The following LRMDA variants were observed in gnomAD, a reference collection of about 807,000 sequenced individuals.
LRMDA encodes leucine-rich melanocyte differentiation-associated protein.
LRMDA carries 18 observed loss-of-function variants against 29.8 expected under a neutral mutation model. That is an observed-to-expected ratio of 0.60 (90% CI 0.42 to 0.90). LRMDA has a LOEUF of 0.90. LRMDA is among the 40% of genes least tolerant of loss of function. The pLI is 0.00. For synonymous variants in LRMDA, 125 were observed against 109.4 expected (o/e 1.14, Z -0.89); for missense variants, 273 against 273.9 (o/e 1.00, Z 0.02).
chr10:75,914,054 GA>G (rs1179869160), intron 2 of LRMDA, among the ~76,000 whole-genome samples: 1 of 152,220 alleles, frequency 6.6e-6, no homozygotes, highest in Non-Finnish European at 1.5e-5. Flanking sequence ...TGCTTACAAA[GA>G]AGCAGAGGTT....
At chr10:76,041,098 T>G (rs1848332035) in intron 3 of LRMDA, among the ~76,000 whole-genome samples, 2 of 152,194 alleles carry the variant, frequency 1.3e-5, no homozygotes, top group African/African-American at 4.8e-5. Context: ...AGCATATTGT[T>G]GAGAGGTTTA....
intron 2 of LRMDA, among the ~76,000 whole-genome samples, chr10:75,525,534 G>A (rs1049623396): frequency 5.9e-5 from 9 of 151,642 alleles, no homozygotes; most frequent in Non-Finnish European, 1.3e-4. Flanking sequence ...GGTAAGACTG[G>A]GATTGAGATA....
At chr10:76,083,005 A>T (rs1478491129) in intron 5 of LRMDA, among the ~76,000 whole-genome samples, 1 of 152,180 alleles carries the variant, frequency 6.6e-6, no homozygotes, top group Non-Finnish European at 1.5e-5. Flanking sequence ...AACAATTAGA[A>T]GCAGGGATTC....
chr10:75,931,509 A>G (rs558174788), intron 2 of LRMDA, among the ~76,000 whole-genome samples: 1 of 152,346 alleles, frequency 6.6e-6, no homozygotes, highest in South Asian at 2.1e-4. Flanking sequence ...TGATAGTAAT[A>G]GACATCTTGG....
At chr10:75,586,816 A>G (rs575634669) in intron 2 of LRMDA, among the ~76,000 whole-genome samples, 1 of 76,622 alleles carries the variant, frequency 1.3e-5, no homozygotes, top group South Asian at 5.2e-4. Context: ...TAATTGGGTT[A>G]TTAGGTTTTT....
chr10:76,004,726 ATTT>A (rs926291826), intron 2 of LRMDA, among the ~76,000 whole-genome samples: 6 of 134,010 alleles, frequency 4.5e-5, no homozygotes, highest in Admixed American at 7.6e-5. Context: ...TTTTCTTTTA[ATTT>A]TTTTTTTTTT....
chr10:76,176,252 C>T (rs1850932070), intron 5 of LRMDA, among the ~76,000 whole-genome samples: 2 of 152,036 alleles, frequency 1.3e-5, no homozygotes, highest in South Asian at 2.1e-4. Flanking sequence ...TGGCATCCGG[C>T]GTCTATCAAA....
At chr10:75,792,475 G>C (rs924380441) in intron 2 of LRMDA, among the ~76,000 whole-genome samples, 2 of 152,170 alleles carry the variant, frequency 1.3e-5, no homozygotes, top group Non-Finnish European at 2.9e-5. Flanking sequence ...ATGATGTCCA[G>C]GCTGGTCTCG....
intron 6 of LRMDA, among the ~76,000 whole-genome samples, chr10:76,389,727 G>A (rs1332672825): frequency 2.8e-5 from 4 of 144,362 alleles, no homozygotes; most frequent in African/African-American, 8.7e-5. Flanking sequence ...TTAATATTAT[G>A]TGGACTTTTG....
intron 2 of LRMDA, among the ~76,000 whole-genome samples, chr10:75,993,737 A>AC (rs1455268719): frequency 6.6e-6 from 1 of 151,992 alleles, no homozygotes; most frequent in Non-Finnish European, 1.5e-5. Flanking sequence ...CATCTCAAAA[A>AC]AAAAAAAAGA....
At chr10:76,097,290 C>T (rs905780614) in intron 5 of LRMDA, among the ~76,000 whole-genome samples, 4 of 152,178 alleles carry the variant, frequency 2.6e-5, no homozygotes, top group African/African-American at 9.6e-5. Context: ...GGATTACAGG[C>T]GTGAGCCACC....
At chr10:75,584,901 T>A (rs1183396472) in intron 2 of LRMDA, among the ~76,000 whole-genome samples, 1 of 152,172 alleles carries the variant, frequency 6.6e-6, no homozygotes, top group Non-Finnish European at 1.5e-5. Flanking sequence ...CCTCTAACTT[T>A]GGGGCAGCAG....
intron 6 of LRMDA, among the ~76,000 whole-genome samples, chr10:76,382,686 G>A (rs879454892): frequency 6.6e-6 from 1 of 152,152 alleles, no homozygotes; most frequent in Non-Finnish European, 1.5e-5. Context: ...TTTTTGTGGG[G>A]TGAGTCTGGT....
chr10:76,355,829 T>G (rs566532866), intron 6 of LRMDA, among the ~76,000 whole-genome samples: 1 of 152,236 alleles, frequency 6.6e-6, no homozygotes, highest in South Asian at 2.1e-4. Context: ...TAGGGAGTAT[T>G]TGGAGTAGCA....
chr10:76,170,428 C>T (rs1273914097), intron 5 of LRMDA, among the ~76,000 whole-genome samples: 4 of 152,186 alleles, frequency 2.6e-5, no homozygotes, highest in Admixed American at 2.0e-4. Context: ...AATTTGTTTA[C>T]AGTAAATATT....
At chr10:76,109,999 C>G (rs1190582438) in intron 5 of LRMDA, among the ~76,000 whole-genome samples, 1 of 152,156 alleles carries the variant, frequency 6.6e-6, no homozygotes, top group Non-Finnish European at 1.5e-5. Context: ...AGGCCTCATT[C>G]ACATCCAGGT....
At chr10:76,271,886 C>G (rs1393161463) in intron 5 of LRMDA, among the ~76,000 whole-genome samples, 1 of 152,134 alleles carries the variant, frequency 6.6e-6, no homozygotes, top group Non-Finnish European at 1.5e-5. Flanking sequence ...GAGAAGCAGA[C>G]TCAAAGTATA....
At chr10:76,093,969 C>T (rs1331561760) in intron 5 of LRMDA, among the ~76,000 whole-genome samples, 2 of 152,130 alleles carry the variant, frequency 1.3e-5, no homozygotes, top group African/African-American at 4.8e-5. Flanking sequence ...CGCTATCCGC[C>T]AAAATGCTCA....
At chr10:76,011,779 C>T (rs1404751149) in intron 2 of LRMDA, among the ~76,000 whole-genome samples, 2 of 152,150 alleles carry the variant, frequency 1.3e-5, no homozygotes, top group Non-Finnish European at 2.9e-5. Flanking sequence ...GCTCTATCCT[C>T]CAGGGATTGG....
Sources: allele counts gnomAD v4.1 joint callset (sites outside exome capture counted in the v4.1 genomes callset), GRCh38; gene constraint gnomAD v4.1.1; transcripts MANE v1.5; gene names NCBI Gene and HGNC (gene_info 2026-07-23, HGNC 2026-07-21).